TRAM2: variants seen among roughly 807,000 people sequenced by gnomAD.
The protein encoded by TRAM2 is translocation associated membrane protein 2, also known as translocating chain-associated membrane protein 2.
TRAM2 carries 12 observed loss-of-function variants against 51.0 expected under a neutral mutation model. The observed-to-expected ratio is 0.24, with a 90% CI of 0.15 to 0.38. The LOEUF (loss-of-function observed/expected upper bound fraction) is 0.38. Among genes scored for constraint, TRAM2 ranks in the 10% least tolerant of loss-of-function variants. The pLI is 1.00. For synonymous variants in TRAM2, 175 were observed against 179.4 expected (o/e 0.98, Z 0.20); for missense variants, 361 against 462.0 (o/e 0.78, Z 2.00).
At chr6:52,530,081 T>C (rs1205251788) in intron 2 of TRAM2, among the ~76,000 whole-genome samples, 1 of 152,240 alleles carries the variant, frequency 6.6e-6, no homozygotes, top group Admixed American at 6.5e-5. Flanking sequence ...AGTATAATGC[T>C]ATCTCATACA....
intron 1 of TRAM2, among the ~76,000 whole-genome samples, chr6:52,544,030 T>C (rs980560002): frequency 2.0e-5 from 3 of 152,318 alleles, no homozygotes; most frequent in South Asian, 4.1e-4. Context: ...AACATCAGCA[T>C]GTTGACCCCC....
intron 2 of TRAM2, among the ~76,000 whole-genome samples, chr6:52,526,258 C>T (rs976811069): frequency 1.3e-5 from 2 of 151,892 alleles, no homozygotes; most frequent in Non-Finnish European, 2.9e-5. Flanking sequence ...ATTTTAACCC[C>T]ACATTGCATG....
intron 1 of TRAM2, among the ~76,000 whole-genome samples, chr6:52,562,539 C>T (rs191793037): frequency 1.2e-4 from 18 of 152,188 alleles, no homozygotes; most frequent in Non-Finnish European, 2.1e-4. Flanking sequence ...CTGTTACATA[C>T]CAGGCACTTG....
At chr6:52,530,766 C>T (rs576527554) in intron 2 of TRAM2, among the ~76,000 whole-genome samples, 16 of 152,224 alleles carry the variant, frequency 1.1e-4, no homozygotes, top group East Asian at 3.9e-4. Flanking sequence ...GAATCCAGAA[C>T]GCTGGGATGG....
chr6:52,504,610 C>A lies in TRAM2; in HGVS notation c.1020G>T (p.Arg340Ser). Reference protein sequence around the residue: ...RVPATPRLPARLIKRESGYHE... With the variant: ...RVPATPRLPASLIKRESGYHE... The stretch of plus-strand genomic sequence containing the variant: ...ACTCACCAGATTCCCTCTTGATGAG[C>A]CTGGCTGGTAGTCTGGGTGTGGCTG... Residue 340 changes from arginine to serine, a missense_variant, in exon 10 of 11, where the codon AGG becomes AGT. Arg to Ser is a moderately radical substitution (Grantham distance 110). Coordinates refer to ENST00000182527, the MANE Select transcript of TRAM2 (RefSeq NM_012288.4). 1 of 1,614,192 alleles carries A rather than the reference C, an allele frequency of 6.2e-7. No individual in the cohort carries two copies. The highest frequency in any genetic ancestry group is 8.5e-7 in the Non-Finnish European group (1 of 1,180,048).
At position 52,501,393 on chromosome 6, in the gene TRAM2, A is replaced by G. The variant is rs1263852513; in HGVS notation, c.*1804T>C. On this transcript the variant is annotated 3_prime_UTR_variant, in exon 11 of 11. Coordinates refer to ENST00000182527, the MANE Select transcript of TRAM2 (RefSeq NM_012288.4). Reference sequence around the variant, plus strand: ...TGGAGAAGGGGAGTTGCCTTGATGAAAAGACCCATTTCCCCCCTTTTGAAT... The same window carrying G: ...TGGAGAAGGGGAGTTGCCTTGATGAGAAGACCCATTTCCCCCCTTTTGAAT... 4 of 152,148 alleles carry G rather than the reference A, an allele frequency of 2.6e-5. No individual in the cohort carries two copies. The highest frequency in any genetic ancestry group is 5.9e-5 in the Non-Finnish European group (4 of 68,014). The allele number at this position is 152,148 out of a possible 1,614,324, so 9.4% of individuals were successfully genotyped here.
intron 1 of TRAM2, among the ~76,000 whole-genome samples, chr6:52,554,519 C>CAAAAAAAAA (rs55641649): frequency 1.8e-5 from 2 of 109,074 alleles, no homozygotes; most frequent in Admixed American, 9.1e-5. Flanking sequence ...GACCCCATCT[C>CAAAAAAAAA]AAAAAAAAAA....
chr6:52,507,725 G>A (rs1562475241), intron 6 of TRAM2, 102 bp from the exon 7 acceptor site: 2 of 1,129,948 alleles, frequency 1.8e-6, no homozygotes, highest in East Asian at 4.8e-5. Flanking sequence ...AGGCTCCTCT[G>A]GGCTGCTTTA....
chr6:52,516,510 C>A, intron 3 of TRAM2, 118 bp downstream of exon 3: 1 of 830,042 alleles, frequency 1.2e-6, no homozygotes, highest in Non-Finnish European at 2.0e-6. Context: ...TAGACCCAAC[C>A]AGTGCAAGCA....
chr6:52,523,239 A>G (rs909479237), intron 2 of TRAM2: 2 of 247,368 alleles, frequency 8.1e-6, no homozygotes, highest in Non-Finnish European at 1.5e-5. Flanking sequence ...TTAGATATGG[A>G]AACACCACCA....
chr6:52,525,384 C>T (rs774009405), intron 2 of TRAM2, among the ~76,000 whole-genome samples: 6 of 152,228 alleles, frequency 3.9e-5, no homozygotes, highest in Non-Finnish European at 7.3e-5. Flanking sequence ...TGGCCTACTC[C>T]CTCTGTGGCC....
intron 6 of TRAM2, 65 bp downstream of exon 6, chr6:52,508,169 T>C (rs1766383292): frequency 3.4e-6 from 5 of 1,474,116 alleles, no homozygotes; most frequent in Non-Finnish European, 3.8e-6. Context: ...GAGGTACCCC[T>C]GGGAATAGCA....
intron 4 of TRAM2, among the ~76,000 whole-genome samples, chr6:52,510,323 G>A (rs1026343632): frequency 2.6e-5 from 4 of 152,204 alleles, no homozygotes; most frequent in African/African-American, 9.6e-5. Context: ...AAAACATCTA[G>A]AAATGCTGGG....
At chr6:52,509,848 C>A (rs768504485) in intron 4 of TRAM2, among the ~76,000 whole-genome samples, 21 of 152,152 alleles carry the variant, frequency 1.4e-4, no homozygotes, top group Non-Finnish European at 2.2e-4. Context: ...GTCTGACAAG[C>A]GAATTAGTCT....
intron 2 of TRAM2, among the ~76,000 whole-genome samples, chr6:52,527,307 G>A (rs1766800360): frequency 6.6e-6 from 1 of 151,492 alleles, no homozygotes; most frequent in Non-Finnish European, 1.5e-5. Context: ...GAACCCAGGA[G>A]GTGGAGGATG....
At chr6:52,541,071 G>A (rs1767072062) in intron 1 of TRAM2, among the ~76,000 whole-genome samples, 1 of 152,208 alleles carries the variant, frequency 6.6e-6, no homozygotes, top group African/African-American at 2.4e-5. Flanking sequence ...ACATGAACCT[G>A]AGCTCTTGGC....
intron 1 of TRAM2, among the ~76,000 whole-genome samples, chr6:52,547,566 G>T (rs768318400): frequency 1.2e-4 from 19 of 152,348 alleles, no homozygotes; most frequent in Admixed American, 5.2e-4. Context: ...CAAAGGGGCT[G>T]GGAAATTTTC....
chr6:52,517,631 G>A (rs1163946049), intron 2 of TRAM2, among the ~76,000 whole-genome samples: 2 of 152,258 alleles, frequency 1.3e-5, no homozygotes, highest in African/African-American at 4.8e-5. Context: ...GCGGGGCTGT[G>A]AGCCTGGTGG....
intron 1 of TRAM2, among the ~76,000 whole-genome samples, chr6:52,564,969 A>G (rs940311911): frequency 3.9e-5 from 6 of 152,160 alleles, no homozygotes; most frequent in African/African-American, 1.4e-4. Context: ...TGCATGAAAA[A>G]AAGCAGAGAA....
Sources: gnomAD v4.1 joint callset for allele counts (sites outside exome capture counted in the v4.1 genomes callset) on GRCh38, gnomAD v4.1.1 for gene constraint, MANE v1.5 for transcripts, NCBI Gene and HGNC (gene_info 2026-07-23, HGNC 2026-07-21) for gene names.